Variants in ARMH3 observed in about 807,000 individuals in gnomAD.
The protein encoded by ARMH3 is armadillo-like helical domain-containing protein 3.
A neutral mutation model predicts 99.1 loss-of-function variants in ARMH3; 60 were observed. The observed-to-expected ratio is 0.61, with a 90% confidence interval of 0.49 to 0.75. The LOEUF is 0.75. Ranked by LOEUF, ARMH3 falls within the 30% of genes least tolerant of loss-of-function variation. The pLI is 0.00. For missense variants in ARMH3, 679 were observed against 843.1 expected (o/e 0.81, Z 2.41); for synonymous variants, 285 against 292.8 (o/e 0.97, Z 0.27).
chr10:101,970,757 C>T (rs1324962021), intron 20 of ARMH3, among the ~76,000 whole-genome samples: 2 of 151,610 alleles, frequency 1.3e-5, no homozygotes, highest in Admixed American at 6.6e-5. Flanking sequence ...CCCAGGAGGT[C>T]GCGACTACAA....
At chr10:102,038,053 T>C (rs1397344775) in intron 2 of ARMH3, among the ~76,000 whole-genome samples, 1 of 151,204 alleles carries the variant, frequency 6.6e-6, no homozygotes, top group Non-Finnish European at 1.5e-5. Context: ...CAAGCAGGAG[T>C]TGTATACACC....
At chr10:101,987,713 T>C (rs978857675) in intron 19 of ARMH3, among the ~76,000 whole-genome samples, 1 of 152,166 alleles carries the variant, frequency 6.6e-6, no homozygotes, top group Non-Finnish European at 1.5e-5. Flanking sequence ...ATTAACTGCT[T>C]TGGGGAAAGA....
At chr10:101,866,303 C>T (rs1335118442) in intron 24 of ARMH3, among the ~76,000 whole-genome samples, 1 of 151,194 alleles carries the variant, frequency 6.6e-6, no homozygotes, top group African/African-American at 2.4e-5. Flanking sequence ...AAAACTTGAA[C>T]AACTCCATGG....
chr10:101,985,269 C>T (rs1191821452), intron 19 of ARMH3, among the ~76,000 whole-genome samples: 11 of 143,030 alleles, frequency 7.7e-5, no homozygotes, highest in Admixed American at 3.5e-4. Context: ...TGTGTATATA[C>T]GTATGTGTAT....
chr10:101,917,718 T>G (rs1447983920), intron 23 of ARMH3, among the ~76,000 whole-genome samples: 1 of 152,224 alleles, frequency 6.6e-6, no homozygotes. Context: ...TCTGTGATGC[T>G]TCTCTTTCTG....
At position 102,001,954 on chromosome 10, in the gene ARMH3, A is replaced by G. The variant is rs761595463; in HGVS notation, c.1150+17T>C. ...ACACCTTTGACTTCCTGAGCCCCCAAAATAGCTATGGCTTACCTTTGGTGT... is the reference window on the plus strand; with the variant it reads ...ACACCTTTGACTTCCTGAGCCCCCAGAATAGCTATGGCTTACCTTTGGTGT... On this transcript the variant is annotated intron_variant, in intron 15 of 25. Coordinates refer to ENST00000370033, the MANE Select transcript of ARMH3 (RefSeq NM_024541.3). 5 of 1,611,830 alleles carry G rather than the reference A, an allele frequency of 3.1e-6. No homozygotes were observed. In the Admixed American group the frequency reaches 5.0e-5, roughly 16 times the overall value.
intron 19 of ARMH3, among the ~76,000 whole-genome samples, chr10:101,987,199 C>T (rs569628784): frequency 6.6e-6 from 1 of 152,032 alleles, no homozygotes; most frequent in South Asian, 2.1e-4. Flanking sequence ...CTCTCTTATC[C>T]TCCCTCCATG....
chr10:102,053,114 A>G lies in ARMH3; in HGVS notation c.-12+2971T>C, dbSNP rs543413726. On this transcript the variant is annotated intron_variant, in intron 1 of 25. Transcript: ENST00000370033. Reference sequence around the variant, plus strand: ...ACAGCTACACTTTCTTCAGACTCTCAGTCAATTGCAACAACTCTAATTAGT... The same window carrying G: ...ACAGCTACACTTTCTTCAGACTCTCGGTCAATTGCAACAACTCTAATTAGT... Among the ~76,000 whole-genome samples, 9 of 150,934 alleles carry G rather than the reference A, an allele frequency of 6.0e-5. No individual in the cohort carries two copies. In the South Asian group the frequency reaches 1.9e-3, roughly 32 times the overall value.
At chr10:101,956,524 G>A (rs940064393) in intron 22 of ARMH3, 73 bp downstream of exon 22, 57 of 1,549,990 alleles carry the variant, frequency 3.7e-5, no homozygotes, top group East Asian at 9.1e-5. Flanking sequence ...AGAATCTTTC[G>A]TAGTCTTTTC....
intron 24 of ARMH3, among the ~76,000 whole-genome samples, chr10:101,857,476 C>T (rs894569938): frequency 3.9e-5 from 6 of 152,116 alleles, no homozygotes; most frequent in Admixed American, 1.3e-4. Context: ...TACCTTAGGC[C>T]TTCAACAATG....
At chr10:102,026,682 T>C (rs538320014) in intron 5 of ARMH3, among the ~76,000 whole-genome samples, 1 of 152,296 alleles carries the variant, frequency 6.6e-6, no homozygotes, top group East Asian at 1.9e-4. Flanking sequence ...GAAGTAAATA[T>C]GGTGCAGATT....
At chr10:101,865,162 G>A (rs1014741302) in intron 24 of ARMH3, among the ~76,000 whole-genome samples, 1 of 151,066 alleles carries the variant, frequency 6.6e-6, no homozygotes, top group Non-Finnish European at 1.5e-5. Context: ...CTTGCAGTGA[G>A]CTGAGATTGC....
At chr10:101,869,919 G>C (rs2067094192) in intron 24 of ARMH3, among the ~76,000 whole-genome samples, 4 of 152,198 alleles carry the variant, frequency 2.6e-5, no homozygotes, top group Admixed American at 2.6e-4. Flanking sequence ...TGTAGTCCCA[G>C]ATACTCAGGA....
chr10:101,967,001 A>G (rs759076769), intron 20 of ARMH3, among the ~76,000 whole-genome samples: 2 of 152,190 alleles, frequency 1.3e-5, no homozygotes, highest in African/African-American at 2.4e-5. Flanking sequence ...GCACAAACTA[A>G]TATCTCCAAA....
intron 1 of ARMH3, among the ~76,000 whole-genome samples, chr10:102,048,490 G>A (rs1436303227): frequency 4.6e-5 from 7 of 152,182 alleles, no homozygotes; most frequent in Non-Finnish European, 1.0e-4. Context: ...GCAATGGCAC[G>A]ATTTCAGTTC....
chr10:101,939,258 A>C (rs1844129586), intron 23 of ARMH3, among the ~76,000 whole-genome samples: 1 of 152,236 alleles, frequency 6.6e-6, no homozygotes, highest in East Asian at 1.9e-4. Context: ...AGTCGAATTT[A>C]GGTTTCCCAA....
chr10:101,857,398 G>A (rs549649847), intron 24 of ARMH3, among the ~76,000 whole-genome samples: 183 of 152,252 alleles, frequency 1.2e-3, no homozygotes, highest in Middle Eastern at 3.4e-3. Flanking sequence ...GTTCAGTGAG[G>A]TTGCAGTGAG....
chr10:101,877,521 G>A (rs910787573), intron 24 of ARMH3, among the ~76,000 whole-genome samples: 1 of 152,096 alleles, frequency 6.6e-6, no homozygotes, highest in Admixed American at 6.5e-5. Flanking sequence ...TTAGCCAGGC[G>A]TGATGGCGTG....
chr10:101,861,691 C>T (rs1246721313), intron 24 of ARMH3, among the ~76,000 whole-genome samples: 7 of 138,972 alleles, frequency 5.0e-5, no homozygotes, highest in Non-Finnish European at 7.6e-5. Context: ...GATTGCACTA[C>T]TACACTCCAG....
Sources: gnomAD v4.1 joint callset for allele counts (sites outside exome capture counted in the v4.1 genomes callset) on GRCh38, gnomAD v4.1.1 for gene constraint, MANE v1.5 for transcripts, NCBI Gene and HGNC (gene_info 2026-07-23, HGNC 2026-07-21) for gene names.